Variants in EMC2 observed in about 807,000 individuals in gnomAD.
The protein encoded by EMC2 is TPR repeat protein 35.
A neutral mutation model predicts 51.6 loss-of-function variants in EMC2; 37 were observed. The ratio of observed to expected loss-of-function variants is 0.72; its 90% CI spans 0.55 to 0.94. The LOEUF is 0.94. Among genes scored for constraint, EMC2 ranks in the 40% least tolerant of loss-of-function variants. The probability of loss-of-function intolerance (pLI) is 0.00; values close to 1 mark genes in which losing one functional copy is unlikely to be tolerated. For synonymous variants in EMC2, 131 were observed against 112.4 expected (o/e 1.17, Z -1.04); for missense variants, 359 against 350.9 (o/e 1.02, Z -0.18).
At chr8:108,476,642 T>C (rs1810952090) in intron 8 of EMC2, 140 bp from the exon 9 acceptor site, 3 of 479,554 alleles carry the variant, frequency 6.3e-6, no homozygotes, top group East Asian at 3.2e-5. Flanking sequence ...TAAAAACCTT[T>C]AGGTGAATTC....
chr8:108,486,400 A>G (rs2130425559), intron 10 of EMC2, 112 bp from the exon 11 acceptor site: 3 of 1,327,166 alleles, frequency 2.3e-6, no homozygotes, highest in Non-Finnish European at 2.0e-6. Flanking sequence ...TTGATTTCCT[A>G]CTAGTGATAA....
chr8:108,460,127 T>C (rs758470401), intron 5 of EMC2, among the ~76,000 whole-genome samples: 1 of 152,214 alleles, frequency 6.6e-6, no homozygotes. Flanking sequence ...GAAATCAGAT[T>C]TCTGAAAACA....
At chr8:108,466,517 A>G (rs1053651543) in intron 5 of EMC2, among the ~76,000 whole-genome samples, 15 of 138,990 alleles carry the variant, frequency 1.1e-4, no homozygotes, top group African/African-American at 2.4e-4. Flanking sequence ...CAGTGAGGCA[A>G]TTATAGCTCA....
chr8:108,488,651 G>A lies in EMC2; in HGVS notation c.*2053G>A, dbSNP rs67166035. ...AGTACCTTAGTTTGATCTGATAGTG[G>A]CAAGGATCCCTCTTCCTCAAAGAGA... On this transcript the variant is annotated 3_prime_UTR_variant, in exon 11 of 11. Coordinates refer to ENST00000220853, the MANE Select transcript of EMC2 (RefSeq NM_014673.5). Among the ~76,000 whole-genome samples the A allele has an allele frequency of 0.23, 35,385 of 151,910 alleles. 4,394 individuals carry two copies. The highest frequency in any genetic ancestry group is 0.3 in the South Asian group (1,419 of 4,806).
Position 108,470,058 on chromosome 8 carries a change from C to T in EMC2, c.450-4C>T. ...CTTACTTTTTTTTCTTTTCCTCTCA[C>T]CAGATTTGTTGGAGACCAAGAAGCC... On this transcript the variant is annotated splice_polypyrimidine_tract_variant and splice_region_variant and intron_variant, in intron 6 of 10. Transcript: ENST00000220853. 6.2e-7 allele frequency: 1 copy of T among 1,611,790 alleles called. No homozygotes were observed. The highest frequency in any genetic ancestry group is 8.5e-7 in the Non-Finnish European group (1 of 1,178,530).
At chr8:108,454,949 C>G (rs1440593401) in intron 4 of EMC2, among the ~76,000 whole-genome samples, 3 of 151,950 alleles carry the variant, frequency 2.0e-5, no homozygotes, top group Non-Finnish European at 4.4e-5. Flanking sequence ...AATTCTTATC[C>G]TTGTACCTGT....
chr8:108,444,082 TGTAA>T (rs1397031856), intron 1 of EMC2, among the ~76,000 whole-genome samples: 2 of 152,248 alleles, frequency 1.3e-5, no homozygotes, highest in East Asian at 3.8e-4. Context: ...ACACAGGGCC[TGTAA>T]GGCCCTTTAC....
chr8:108,465,268 T>TA (rs1461103052), intron 5 of EMC2, among the ~76,000 whole-genome samples: 2 of 152,198 alleles, frequency 1.3e-5, no homozygotes, highest in African/African-American at 2.4e-5. Context: ...GGGAAAATCT[T>TA]ACAGGAGCAT....
intron 5 of EMC2, among the ~76,000 whole-genome samples, chr8:108,461,632 A>G (rs1819320213): frequency 6.6e-6 from 1 of 152,196 alleles, no homozygotes; most frequent in South Asian, 2.1e-4. Flanking sequence ...GGTAATTAGA[A>G]TGGAAGTTTC....
chr8:108,447,687 C>T (rs543624108), intron 1 of EMC2, among the ~76,000 whole-genome samples: 16 of 152,190 alleles, frequency 1.1e-4, no homozygotes, highest in East Asian at 5.8e-4. Flanking sequence ...ACAATCATAG[C>T]GACTCTCTTA....
At chr8:108,458,175 TCCGCCCCA>T (rs1373284806) in intron 5 of EMC2, among the ~76,000 whole-genome samples, 3 of 152,224 alleles carry the variant, frequency 2.0e-5, no homozygotes, top group African/African-American at 7.2e-5. Context: ...CTTGGGCAGC[TCCGCCCCA>T]TGGCTTTGCA....
intron 1 of EMC2, 121 bp from the exon 2 acceptor site, chr8:108,449,702 T>G: frequency 1.8e-6 from 1 of 551,724 alleles, no homozygotes. Flanking sequence ...TCTACATGAT[T>G]GTGAGTTTAT....
At chr8:108,449,194 G>A (rs1000877298) in intron 1 of EMC2, among the ~76,000 whole-genome samples, 2 of 151,828 alleles carry the variant, frequency 1.3e-5, no homozygotes, top group Non-Finnish European at 2.9e-5. Flanking sequence ...GGTCACTGCA[G>A]CATCAACCTC....
At chr8:108,476,076 T>G (rs1443793611) in intron 8 of EMC2, 113 bp downstream of exon 8, 1 of 575,486 alleles carries the variant, frequency 1.7e-6, no homozygotes, top group African/African-American at 2.0e-5. Context: ...ATTTAAAACA[T>G]CTGATGAGCA....
intron 4 of EMC2, 104 bp from the exon 5 acceptor site, chr8:108,455,769 T>C: frequency 2.1e-6 from 1 of 476,378 alleles, no homozygotes; most frequent in South Asian, 2.9e-5. Flanking sequence ...ATAAATGCAT[T>C]TAAATTAAAA....
intron 5 of EMC2, 81 bp from the exon 6 acceptor site, chr8:108,469,745 A>C (rs1258767303): frequency 8.6e-7 from 1 of 1,168,638 alleles, no homozygotes. Context: ...TTGAGATAAT[A>C]ATTTGCACAG....
chr8:108,451,524 C>T (rs766144585), intron 3 of EMC2, among the ~76,000 whole-genome samples: 4 of 152,082 alleles, frequency 2.6e-5, no homozygotes, highest in Non-Finnish European at 2.9e-5. Context: ...AAAAAATTCA[C>T]ATCTGAATTA....
intron 5 of EMC2, among the ~76,000 whole-genome samples, chr8:108,467,717 G>A (rs570540807): frequency 6.6e-6 from 1 of 152,196 alleles, no homozygotes; most frequent in South Asian, 2.1e-4. Context: ...GAATCCAACT[G>A]TTTTCAACAA....
In EMC2 at chr8:108,455,958, AT is replaced by A. The variant is rs751901827; in HGVS notation, c.363+29del. ...AAGTTGGCAGATTGTCTTGAAAAAA[AT>A]CTAAAGTTTAATTTAAAAGATAAAA... On this transcript the variant is annotated intron_variant, in intron 5 of 10. Coordinates refer to ENST00000220853, the MANE Select transcript of EMC2 (RefSeq NM_014673.5). 2.0e-5 allele frequency: 22 copies of A among 1,122,252 alleles called. No individual in the cohort carries two copies. The East Asian group carries it at 5.9e-4, about 30-fold the overall frequency. 69.5% of individuals were successfully genotyped at this position (1,122,252 alleles called of 1,614,324 possible).
Sources: allele counts gnomAD v4.1 joint callset (sites outside exome capture counted in the v4.1 genomes callset), GRCh38; gene constraint gnomAD v4.1.1; transcripts MANE v1.5; gene names NCBI Gene and HGNC (gene_info 2026-07-23, HGNC 2026-07-21).